GRID2: variants seen among roughly 807,000 people sequenced by gnomAD.
GRID2 encodes glutamate receptor ionotropic, delta-2.
In GRID2, 33 loss-of-function variants were observed where a neutral mutation model predicts 114.8. That is an observed-to-expected ratio of 0.29 (90% confidence interval 0.22 to 0.38). GRID2 has a LOEUF of 0.38. GRID2 is among the 10% of genes least tolerant of loss of function. The probability of loss-of-function intolerance (pLI) is 1.00; values close to 1 mark genes in which losing one functional copy is unlikely to be tolerated. For missense variants in GRID2, 1,184 were observed against 1,257.7 expected (o/e 0.94, Z 0.89); for synonymous variants, 505 against 449.9 (o/e 1.12, Z -1.55).
intron 1 of GRID2, among the ~76,000 whole-genome samples, chr4:92,469,959 A>C (rs1721952879): frequency 6.6e-6 from 1 of 152,002 alleles, no homozygotes; most frequent in Non-Finnish European, 1.5e-5. Flanking sequence ...TATATTAATA[A>C]GGAGGTAATG....
At chr4:92,333,876 T>A (rs140977284) in intron 1 of GRID2, among the ~76,000 whole-genome samples, 1,581 of 152,266 alleles carry the variant, frequency 0.01, 8 homozygotes, top group Middle Eastern at 0.041. Flanking sequence ...ACTACATGCA[T>A]GTGCCACCAC....
At chr4:93,536,255 T>C (rs1033901505) in intron 13 of GRID2, among the ~76,000 whole-genome samples, 3 of 151,886 alleles carry the variant, frequency 2.0e-5, no homozygotes, top group Non-Finnish European at 2.9e-5. Context: ...AAAGCAATTT[T>C]AACAAAGAAG....
chr4:92,490,712 G>T (rs534047147), intron 1 of GRID2, among the ~76,000 whole-genome samples: 8 of 152,194 alleles, frequency 5.3e-5, no homozygotes, highest in African/African-American at 1.7e-4. Flanking sequence ...TTCCATCTCA[G>T]CATGAGCTTT....
At chr4:92,695,823 A>T (rs1421967909) in intron 2 of GRID2, among the ~76,000 whole-genome samples, 1 of 152,160 alleles carries the variant, frequency 6.6e-6, no homozygotes, top group African/African-American at 2.4e-5. Context: ...TGTCTCAAAT[A>T]GTTCGTGAAT....
chr4:93,240,849 C>T (rs1036810767), intron 8 of GRID2, among the ~76,000 whole-genome samples: 1 of 151,174 alleles, frequency 6.6e-6, no homozygotes, highest in Non-Finnish European at 1.5e-5. Context: ...AATTTAAGTG[C>T]ACAATGACTT....
At chr4:92,487,408 A>C (rs942153110) in intron 1 of GRID2, among the ~76,000 whole-genome samples, 1 of 152,012 alleles carries the variant, frequency 6.6e-6, no homozygotes, top group Non-Finnish European at 1.5e-5. Context: ...CTCGTGCTGA[A>C]AAATGAATAC....
chr4:93,184,138 C>T (rs1740166652), intron 4 of GRID2, among the ~76,000 whole-genome samples: 1 of 151,998 alleles, frequency 6.6e-6, no homozygotes, highest in African/African-American at 2.4e-5. Context: ...AAATGTATTC[C>T]AGATGGGAAA....
chr4:92,626,166 T>C (rs1395765896), intron 2 of GRID2, among the ~76,000 whole-genome samples: 1 of 152,022 alleles, frequency 6.6e-6, no homozygotes, highest in Non-Finnish European at 1.5e-5. Context: ...ATGAAGATAG[T>C]ATTAATCCTG....
At chr4:93,162,212 A>G (rs1224290413) in intron 4 of GRID2, among the ~76,000 whole-genome samples, 1 of 151,936 alleles carries the variant, frequency 6.6e-6, no homozygotes, top group Non-Finnish European at 1.5e-5. Flanking sequence ...AGACTGACAG[A>G]TAACAATTTT....
At chr4:93,262,414 A>G (rs1750353036) in intron 8 of GRID2, among the ~76,000 whole-genome samples, 1 of 151,954 alleles carries the variant, frequency 6.6e-6, no homozygotes, top group African/African-American at 2.4e-5. Flanking sequence ...GTTATGAAGA[A>G]TATTAAGGAT....
chr4:93,681,149 G>A (rs1256554597), intron 14 of GRID2, among the ~76,000 whole-genome samples: 1 of 151,354 alleles, frequency 6.6e-6, no homozygotes, highest in African/African-American at 2.4e-5. Context: ...GACAAACAGA[G>A]CGAAATCATG....
intron 2 of GRID2, among the ~76,000 whole-genome samples, chr4:92,901,899 G>T (rs1318177385): frequency 6.6e-6 from 1 of 151,694 alleles, no homozygotes; most frequent in African/African-American, 2.4e-5. Context: ...TGCTGGAGAG[G>T]ATTCTTTACT....
intron 1 of GRID2, among the ~76,000 whole-genome samples, chr4:92,427,313 A>G (rs11933188): frequency 0.17 from 26,250 of 152,104 alleles, 3,022 homozygotes; most frequent in African/African-American, 0.33. Context: ...TATGACAAAT[A>G]TATTTTGATG....
intron 1 of GRID2, among the ~76,000 whole-genome samples, chr4:92,556,031 G>A (rs781592076): frequency 2.0e-5 from 3 of 152,074 alleles, no homozygotes; most frequent in Admixed American, 6.6e-5. Flanking sequence ...GGCCCTGAAG[G>A]AGACCCAAAT....
At chr4:92,385,957 G>A (rs1729939513) in intron 1 of GRID2, among the ~76,000 whole-genome samples, 1 of 147,908 alleles carries the variant, frequency 6.8e-6, no homozygotes, top group Non-Finnish European at 1.5e-5. Context: ...CTTGAAATAA[G>A]TCCTCCAATA....
chr4:93,761,055 C>T (rs1209350922), intron 14 of GRID2, among the ~76,000 whole-genome samples: 1 of 152,160 alleles, frequency 6.6e-6, no homozygotes, highest in African/African-American at 2.4e-5. Context: ...TCAAAATTCA[C>T]TTGAAGGATT....
intron 4 of GRID2, among the ~76,000 whole-genome samples, chr4:93,122,402 G>A (rs1254835637): frequency 6.6e-6 from 1 of 152,108 alleles, no homozygotes; most frequent in African/African-American, 2.4e-5. Context: ...GTTGATTAGT[G>A]TATTTGAAAG....
chr4:93,290,684 C>CTTTCTTT lies in GRID2; in HGVS notation c.1245+52206_1245+52212dup, dbSNP rs373280230. On this transcript the variant is annotated intron_variant, in intron 8 of 15. Coordinates refer to ENST00000282020, the MANE Select transcript of GRID2 (RefSeq NM_001510.4). ...TAGTATTTGTGGTTTTGTTGTTCTTCTTTCTTTTTTCTTTTTTCATCCCAT... is the reference window on the plus strand; with the variant it reads ...TAGTATTTGTGGTTTTGTTGTTCTTCTTTCTTTTTTCTTTTTTCTTTTTTCATCCCAT... Among the ~76,000 whole-genome samples the CTTTCTTT allele has an allele frequency of 1.2e-3, 178 of 151,872 alleles. 3 individuals carry two copies. The highest frequency in any genetic ancestry group is 4.2e-3 in the African/African-American group (176 of 41,450).
intron 2 of GRID2, among the ~76,000 whole-genome samples, chr4:92,844,581 A>G (rs577389180): frequency 6.6e-6 from 1 of 151,998 alleles, no homozygotes; most frequent in South Asian, 2.1e-4. Flanking sequence ...CCTATATGTG[A>G]ATGGGAACAG....
Sources: allele counts gnomAD v4.1 joint callset (sites outside exome capture counted in the v4.1 genomes callset), GRCh38; gene constraint gnomAD v4.1.1; transcripts MANE v1.5; gene names NCBI Gene and HGNC (gene_info 2026-07-23, HGNC 2026-07-21).